The following NINJ2 variants were observed in gnomAD, a reference collection of about 807,000 sequenced individuals.
NINJ2 encodes the protein ninjurin-2.
NINJ2 carries 12 observed loss-of-function variants against 11.7 expected under a neutral mutation model. The ratio of observed to expected loss-of-function variants is 1.02; its 90% confidence interval spans 0.66 to 1.66. The LOEUF (loss-of-function observed/expected upper bound fraction) is 1.66. Among genes scored for constraint, NINJ2 ranks in the 40% most tolerant of loss-of-function variants. The pLI is 0.00. For missense variants in NINJ2, 187 were observed against 181.8 expected (o/e 1.03, Z -0.16); for synonymous variants, 93 against 76.8 (o/e 1.21, Z -1.10).
At chr12:610,692 G>A (rs1948017263) in intron 1 of NINJ2, 3 of 874,160 alleles carry the variant, frequency 3.4e-6, no homozygotes, top group South Asian at 1.0e-4. Context: ...GCAGAACTGG[G>A]CTATGACAAG....
intron 1 of NINJ2, among the ~76,000 whole-genome samples, chr12:661,380 CA>C (rs1267588926): frequency 6.6e-6 from 1 of 152,144 alleles, no homozygotes; most frequent in Non-Finnish European, 1.5e-5. Flanking sequence ...CGTGCCCAGC[CA>C]AAGGTGGACA....
intron 1 of NINJ2, among the ~76,000 whole-genome samples, chr12:647,959 T>G (rs1937714885): frequency 6.6e-6 from 1 of 152,218 alleles, no homozygotes; most frequent in South Asian, 2.1e-4. Context: ...GCTTCACTTC[T>G]GCATCCATTA....
chr12:566,500 A>G (rs1381915201), intron 1 of NINJ2, among the ~76,000 whole-genome samples: 1 of 151,910 alleles, frequency 6.6e-6, no homozygotes, highest in Non-Finnish European at 1.5e-5. Context: ...CACCCTATTC[A>G]CTATTTTACC....
chr12:639,655 G>T (rs981289273), intron 1 of NINJ2, among the ~76,000 whole-genome samples: 1 of 152,156 alleles, frequency 6.6e-6, no homozygotes, highest in South Asian at 2.1e-4. Context: ...TGGAAACTAT[G>T]TGTGGGCTGC....
rs970426089 is a variant in NINJ2, at chr12:580,317, G to A, written c.34-14139C>T. Among the ~76,000 whole-genome samples the A allele has an allele frequency of 6.6e-6, 1 of 152,174 alleles. No individual in the cohort carries two copies. The highest frequency in any genetic ancestry group is 2.4e-5 in the African/African-American group (1 of 41,428). The stretch of plus-strand genomic sequence containing the variant: ...ATGATGCATTTGTCAGCAGTGCATG[G>A]TGGCTCACACCTGTAATCCCAGCAC... On this transcript the variant is annotated intron_variant, in intron 1 of 3. Coordinates refer to ENST00000305108, the MANE Select transcript of NINJ2 (RefSeq NM_016533.6). This position sits in a 1 kb window ranked among gnomAD's most constrained non-coding sequence, Gnocchi z 4.7.
At chr12:597,153 A>G (rs1947798919) in intron 1 of NINJ2, among the ~76,000 whole-genome samples, 1 of 152,184 alleles carries the variant, frequency 6.6e-6, no homozygotes, top group African/African-American at 2.4e-5. Context: ...GGAAGGCGAA[A>G]CACTACGTGG....
chr12:634,143 C>A (rs565573196), intron 1 of NINJ2, among the ~76,000 whole-genome samples: 1 of 152,028 alleles, frequency 6.6e-6, no homozygotes, highest in African/African-American at 2.4e-5. Flanking sequence ...TACCAAGTCA[C>A]GCCTTGATAT....
intron 1 of NINJ2, among the ~76,000 whole-genome samples, chr12:613,680 C>T (rs1319399302): frequency 6.6e-6 from 1 of 152,040 alleles, no homozygotes; most frequent in Admixed American, 6.5e-5. Flanking sequence ...CTGAGGCGGG[C>T]AGATCACGAG....
chr12:618,289 A>G (rs1592100526), intron 1 of NINJ2, among the ~76,000 whole-genome samples: 1 of 25,506 alleles, frequency 3.9e-5, no homozygotes, highest in Non-Finnish European at 7.2e-5. Context: ...AGGAGTTGGT[A>G]ATGAGGTGGG....
In NINJ2 at chr12:628,605, A is replaced by T. The variant is rs114974349; in HGVS notation, c.33+34723T>A. On this transcript the variant is annotated intron_variant, in intron 1 of 3. Coordinates refer to ENST00000305108, the MANE Select transcript of NINJ2 (RefSeq NM_016533.6). This position sits in a 1 kb window ranked among gnomAD's most constrained non-coding sequence, Gnocchi z 4.4. ...TAGGGGCTGGTAAAATGAGGCTGAG[A>T]CCTGCTAGGTGGCATTCCCAGGAGG... Among the ~76,000 whole-genome samples the T allele has an allele frequency of 4.7e-3, 723 of 152,294 alleles. 8 individuals are homozygous for T. The highest frequency in any genetic ancestry group is 0.015 in the African/African-American group (621 of 41,564).
At chr12:613,552 T>C (rs951501946) in intron 1 of NINJ2, among the ~76,000 whole-genome samples, 3 of 151,708 alleles carry the variant, frequency 2.0e-5, no homozygotes, top group African/African-American at 7.3e-5. Context: ...GAGGTTGCAG[T>C]GAGCCAAGAT....
At chr12:576,040 G>C (rs2535422) in intron 1 of NINJ2, among the ~76,000 whole-genome samples, 54,808 of 152,074 alleles carry the variant, frequency 0.36, 11,208 homozygotes, top group Non-Finnish European at 0.47. Context: ...GCCAAGAGCA[G>C]TGATCTCGCC....
intron 1 of NINJ2, among the ~76,000 whole-genome samples, chr12:649,531 G>GTATATATATATATATATA (rs58255301): frequency 0.015 from 1,899 of 127,490 alleles, 51 homozygotes; most frequent in South Asian, 0.032. Context: ...GTGTATATGT[G>GTATATATATATATATATA]TATATATATA....
At chr12:604,403 T>C (rs2535395) in intron 1 of NINJ2, among the ~76,000 whole-genome samples, 31,537 of 152,046 alleles carry the variant, frequency 0.21, 3,536 homozygotes, top group African/African-American at 0.23. Flanking sequence ...TTTGGGAGGC[T>C]GAGGCGGGCG....
intron 1 of NINJ2, among the ~76,000 whole-genome samples, chr12:571,702 G>T (rs750287455): frequency 1.3e-5 from 2 of 152,188 alleles, no homozygotes; most frequent in Non-Finnish European, 1.5e-5. Context: ...TTATTTACAG[G>T]ACTTAGGTTG....
At chr12:625,574 T>C (rs1207093967) in intron 1 of NINJ2, among the ~76,000 whole-genome samples, 4 of 152,150 alleles carry the variant, frequency 2.6e-5, no homozygotes, top group Non-Finnish European at 5.9e-5. Context: ...AGGAGCCTTT[T>C]CCAGCAAGCT....
chr12:581,796 T>C lies in NINJ2; in HGVS notation c.34-15618A>G, dbSNP rs1947559625. On this transcript the variant is annotated intron_variant, in intron 1 of 3. Coordinates refer to ENST00000305108, the MANE Select transcript of NINJ2 (RefSeq NM_016533.6). This position sits in a 1 kb window ranked among gnomAD's most constrained non-coding sequence, Gnocchi z 4.9. ...CTTCCTCCTCGTGGTGAGAAGCTAG[T>C]ATCTGGTGAAATAGGTGAGCTGCTG... 6.6e-6 allele frequency among the ~76,000 whole-genome samples: 1 copy of C among 152,128 alleles called. No homozygotes were observed. The highest frequency in any genetic ancestry group is 6.5e-5 in the Admixed American group (1 of 15,268).
intron 1 of NINJ2, among the ~76,000 whole-genome samples, chr12:630,359 G>GT (rs1261637863): frequency 6.7e-6 from 1 of 149,832 alleles, no homozygotes; most frequent in African/African-American, 2.4e-5. Context: ...CTTTTTCTTG[G>GT]TTTTTTGTTT....
At chr12:629,725 T>TA (rs1174182720) in intron 1 of NINJ2, among the ~76,000 whole-genome samples, 1 of 150,230 alleles carries the variant, frequency 6.7e-6, no homozygotes, top group African/African-American at 2.4e-5. Context: ...TCGTCTCTAC[T>TA]AAAAATGCAA....
Sources: allele counts gnomAD v4.1 joint callset (sites outside exome capture counted in the v4.1 genomes callset), GRCh38; gene constraint gnomAD v4.1.1; non-coding constraint Gnocchi (gnomAD v3.1); transcripts MANE v1.5; gene names NCBI Gene and HGNC (gene_info 2026-07-23, HGNC 2026-07-21).